Variants in BRINP3 observed in about 807,000 individuals in gnomAD.
The protein encoded by BRINP3 is BMP/retinoic acid inducible neural specific 3, also known as BMP/retinoic acid-inducible neural-specific protein 3.
In BRINP3, 19 loss-of-function variants were observed where a neutral mutation model predicts 71.0. That is an observed-to-expected ratio of 0.27 (90% confidence interval 0.19 to 0.39). The LOEUF (loss-of-function observed/expected upper bound fraction) is 0.39. Ranked by LOEUF, BRINP3 falls within the 10% of genes least tolerant of loss-of-function variation. The pLI is 1.00. For missense variants in BRINP3, 959 were observed against 940.8 expected (o/e 1.02, Z -0.25); for synonymous variants, 380 against 337.7 (o/e 1.13, Z -1.37).
chr1:190,298,594 G>A (rs1261434802), intron 2 of BRINP3, among the ~76,000 whole-genome samples: 3 of 152,010 alleles, frequency 2.0e-5, no homozygotes, highest in Non-Finnish European at 4.4e-5. Context: ...CCTATAGTAA[G>A]TTTCGAAGTG....
At chr1:190,177,482 A>G (rs1395597687) in intron 6 of BRINP3, among the ~76,000 whole-genome samples, 1 of 151,688 alleles carries the variant, frequency 6.6e-6, no homozygotes, top group African/African-American at 2.4e-5. Flanking sequence ...CCGGCCCGGG[A>G]GCACCTACTT....
intron 2 of BRINP3, among the ~76,000 whole-genome samples, chr1:190,293,859 A>G (rs1339617950): frequency 6.6e-6 from 1 of 151,726 alleles, no homozygotes; most frequent in South Asian, 2.1e-4. Flanking sequence ...TTTGGTTTTC[A>G]TTTTCATAGA....
chr1:190,110,660 A>G (rs372492832), intron 7 of BRINP3, among the ~76,000 whole-genome samples: 3 of 152,258 alleles, frequency 2.0e-5, no homozygotes, highest in East Asian at 3.9e-4. Context: ...CTGAATCAGG[A>G]TATCTCAGGC....
chr1:190,267,222 A>G (rs1266069730), intron 3 of BRINP3, among the ~76,000 whole-genome samples: 1 of 152,170 alleles, frequency 6.6e-6, no homozygotes, highest in Non-Finnish European at 1.5e-5. Context: ...TACACAGAAC[A>G]TTTACAAACG....
At chr1:190,410,367 A>T (rs1056749856) in intron 2 of BRINP3, among the ~76,000 whole-genome samples, 1 of 151,886 alleles carries the variant, frequency 6.6e-6, no homozygotes, top group African/African-American at 2.4e-5. Flanking sequence ...TTTGTTTTTT[A>T]TTTTTTCTTT....
At chr1:190,371,811 T>A (rs1182887473) in intron 2 of BRINP3, among the ~76,000 whole-genome samples, 1 of 152,146 alleles carries the variant, frequency 6.6e-6, no homozygotes, top group African/African-American at 2.4e-5. Flanking sequence ...TCCAGGGGCA[T>A]CTGGCATAGG....
chr1:190,417,839 T>C (rs867170375), intron 2 of BRINP3, among the ~76,000 whole-genome samples: 4 of 152,332 alleles, frequency 2.6e-5, no homozygotes, highest in Middle Eastern at 3.4e-3. Flanking sequence ...TTGGAAGCTG[T>C]GTGCCATTTT....
intron 2 of BRINP3, among the ~76,000 whole-genome samples, chr1:190,339,737 T>C (rs1310855418): frequency 6.6e-6 from 1 of 151,912 alleles, no homozygotes; most frequent in Non-Finnish European, 1.5e-5. Flanking sequence ...TATAATTCAT[T>C]TAGGCATTTA....
intron 1 of BRINP3, among the ~76,000 whole-genome samples, chr1:190,466,351 G>T (rs1676748773): frequency 6.6e-6 from 1 of 151,580 alleles, no homozygotes; most frequent in Non-Finnish European, 1.5e-5. Context: ...AGTTAACCAG[G>T]CATACAAGGT....
chr1:190,344,031 A>G (rs1195855859), intron 2 of BRINP3, among the ~76,000 whole-genome samples: 2 of 151,782 alleles, frequency 1.3e-5, no homozygotes, highest in Admixed American at 1.3e-4. Flanking sequence ...AAATATACAA[A>G]AAGTAAATAT....
intron 6 of BRINP3, among the ~76,000 whole-genome samples, chr1:190,195,974 C>A (rs1558054135): frequency 6.6e-6 from 1 of 152,094 alleles, no homozygotes. Context: ...CAAAATATTA[C>A]ATGTAAGATA....
intron 7 of BRINP3, among the ~76,000 whole-genome samples, chr1:190,120,401 C>T (rs533558230): frequency 3.3e-5 from 5 of 152,088 alleles, no homozygotes; most frequent in Non-Finnish European, 5.9e-5. Flanking sequence ...TTGATTATGA[C>T]ACATTAATAT....
At chr1:190,212,955 G>A (rs1010305361) in intron 6 of BRINP3, among the ~76,000 whole-genome samples, 3 of 151,980 alleles carry the variant, frequency 2.0e-5, no homozygotes, top group African/African-American at 7.2e-5. Context: ...TATAGAAATT[G>A]GACCCAGGAA....
chr1:190,369,289 A>G (rs1669706991), intron 2 of BRINP3, among the ~76,000 whole-genome samples: 1 of 152,128 alleles, frequency 6.6e-6, no homozygotes, highest in African/African-American at 2.4e-5. Context: ...TAGTGATAAT[A>G]TATTATTCTC....
intron 2 of BRINP3, among the ~76,000 whole-genome samples, chr1:190,392,378 T>C (rs1270073243): frequency 6.6e-6 from 1 of 151,596 alleles, no homozygotes; most frequent in Non-Finnish European, 1.5e-5. Context: ...TTCTGTGATG[T>C]AGATAATATT....
chr1:190,217,769 G>T (rs375013295), intron 6 of BRINP3, among the ~76,000 whole-genome samples: 1 of 151,946 alleles, frequency 6.6e-6, no homozygotes, highest in South Asian at 2.1e-4. Context: ...TCCCAATATC[G>T]ACATAACGGC....
chr1:190,116,986 T>C (rs1653191846), intron 7 of BRINP3, among the ~76,000 whole-genome samples: 1 of 152,064 alleles, frequency 6.6e-6, no homozygotes, highest in Non-Finnish European at 1.5e-5. Flanking sequence ...AAGTTACAGT[T>C]GGTGAAAAGG....
intron 1 of BRINP3, among the ~76,000 whole-genome samples, chr1:190,458,117 A>G (rs1171111135): frequency 6.6e-6 from 1 of 152,028 alleles, no homozygotes; most frequent in Non-Finnish European, 1.5e-5. Context: ...GGTAATTATC[A>G]CATAATTCGG....
chr1:190,464,431 G>T (rs1396727167), intron 1 of BRINP3, among the ~76,000 whole-genome samples: 1 of 151,834 alleles, frequency 6.6e-6, no homozygotes, highest in Non-Finnish European at 1.5e-5. Context: ...ATATGCTGTT[G>T]TTATTCTTTT....
Sources: gnomAD v4.1 joint callset for allele counts (sites outside exome capture counted in the v4.1 genomes callset) on GRCh38, gnomAD v4.1.1 for gene constraint, MANE v1.5 for transcripts, NCBI Gene and HGNC (gene_info 2026-07-23, HGNC 2026-07-21) for gene names.